SPMIP1: variants seen among roughly 807,000 people sequenced by gnomAD.
The protein encoded by SPMIP1 is protein SPMIP1.
the SPMIP1 span, chr7:128,869,781 C>A: frequency 6.6e-6 from 1 of 152,402 alleles, no homozygotes; most frequent in African/African-American, 2.4e-5. Context: ...GCCTTCAAGG[C>A]CTTGGGACGC....
chr7:128,866,689 A>T, the SPMIP1 span: 1 of 1,533,010 alleles, frequency 6.5e-7, no homozygotes, highest in Non-Finnish European at 8.7e-7. Flanking sequence ...GGTACCACCT[A>T]TCACCCGAGC....
chr7:128,866,511 G>A, the SPMIP1 span: 1 of 1,536,000 alleles, frequency 6.5e-7, no homozygotes, highest in Non-Finnish European at 8.7e-7. Flanking sequence ...GCAAGTATGG[G>A]TCGATGGTGA....
At chr7:128,866,340 A>G in the SPMIP1 span, 1 of 1,284,058 alleles carries the variant, frequency 7.8e-7, no homozygotes, top group Non-Finnish European at 1.1e-6. Context: ...ACTCGCCGTC[A>G]GAAGCACTCT....
chr7:128,866,434 G>A, the SPMIP1 span: 10 of 1,532,442 alleles, frequency 6.5e-6, no homozygotes, highest in African/African-American at 5.5e-5. Context: ...CAACATAGAC[G>A]CGTTACGGCA....
At chr7:128,867,952 C>T in the SPMIP1 span, among the ~76,000 whole-genome samples, 1 of 152,064 alleles carries the variant, frequency 6.6e-6, no homozygotes, top group African/African-American at 2.4e-5. Flanking sequence ...AGGGCTGAGC[C>T]AGAGCGGGTA....
chr7:128,870,214 C>T, the SPMIP1 span: 2 of 152,484 alleles, frequency 1.3e-5, no homozygotes, highest in Admixed American at 6.5e-5. Flanking sequence ...AGGAGTCCCT[C>T]GGATGGCTAT....
chr7:128,866,485 C>T, the SPMIP1 span: 28 of 1,535,976 alleles, frequency 1.8e-5, no homozygotes, highest in South Asian at 1.3e-4. Context: ...AAAGATGTTG[C>T]GCTGTGAATG....
the SPMIP1 span, chr7:128,866,639 G>T: frequency 8.0e-7 from 1 of 1,255,010 alleles, no homozygotes; most frequent in South Asian, 1.2e-5. Flanking sequence ...AAGGTGCCCA[G>T]CCCTGTCCCA....
the SPMIP1 span, chr7:128,866,598 A>ACCCCCCCCCCCC: frequency 7.0e-7 from 1 of 1,431,940 alleles, no homozygotes; most frequent in Non-Finnish European, 9.2e-7. Flanking sequence ...CCCCACTCTC[A>ACCCCCCCCCCCC]CCCCCACCCG....
the SPMIP1 span, chr7:128,872,016 T>C: frequency 6.6e-6 from 1 of 152,284 alleles, no homozygotes; most frequent in South Asian, 2.1e-4. Context: ...AAAAAGCTTA[T>C]GGCTTTGCTA....
At chr7:128,866,476 A>G in the SPMIP1 span, 2 of 1,535,930 alleles carry the variant, frequency 1.3e-6, no homozygotes, top group East Asian at 2.4e-5. Context: ...TCTGAGGGAA[A>G]AGATGTTGCG....
chr7:128,868,843 C>CTG, the SPMIP1 span: 1 of 997,974 alleles, frequency 1.0e-6, no homozygotes, highest in South Asian at 1.5e-5. Context: ...GGCAAAGCTG[C>CTG]TGTGTGTGTC....
chr7:128,872,047 A>G, the SPMIP1 span: 2 of 152,242 alleles, frequency 1.3e-5, no homozygotes, highest in African/African-American at 4.8e-5. Flanking sequence ...TTAACAAACA[A>G]TTTGAGAGTC....
chr7:128,866,790 C>A, the SPMIP1 span: 12 of 1,535,766 alleles, frequency 7.8e-6, no homozygotes, highest in Middle Eastern at 1.7e-4. Context: ...CGCGATACCT[C>A]TTCCCCATCA....
chr7:128,866,948 T>C, the SPMIP1 span: 466 of 1,006,486 alleles, frequency 4.6e-4, 1 homozygote, highest in Middle Eastern at 0.012. Context: ...CCAAGAAGTG[T>C]CGACACGTTC....
chr7:128,869,816 G>C, the SPMIP1 span: 1 of 152,428 alleles, frequency 6.6e-6, no homozygotes, highest in South Asian at 2.1e-4. Context: ...CCCGACCCCG[G>C]AGGGCACCCG....
the SPMIP1 span, chr7:128,866,409 CA>C: frequency 6.6e-7 from 1 of 1,513,180 alleles, no homozygotes; most frequent in Non-Finnish European, 8.8e-7. Flanking sequence ...CCCTGGCCAC[CA>C]TGTCACGGCA....
the SPMIP1 span, chr7:128,868,681 A>G: frequency 3.3e-6 from 5 of 1,535,314 alleles, no homozygotes; most frequent in South Asian, 6.0e-5. Context: ...CCAGTGAAGC[A>G]AGAACTGGTC....
chr7:128,869,379 C>G, the SPMIP1 span: 1 of 153,254 alleles, frequency 6.5e-6, no homozygotes, highest in African/African-American at 2.4e-5. Flanking sequence ...CAAAGGGACC[C>G]GGGCGCGCTA....
Sources: allele counts gnomAD v4.1 joint callset (sites outside exome capture counted in the v4.1 genomes callset), GRCh38; gene constraint gnomAD v4.1.1; transcripts MANE v1.5; gene names NCBI Gene and HGNC (gene_info 2026-07-23, HGNC 2026-07-21).